The following ALDH1A2 variants were observed in gnomAD, a reference collection of about 807,000 sequenced individuals.
ALDH1A2 encodes aldehyde dehydrogenase 1 family member A2.
A neutral mutation model predicts 60.3 loss-of-function variants in ALDH1A2; 27 were observed. That is an observed-to-expected ratio of 0.45 (90% CI 0.33 to 0.62). The LOEUF is 0.62. ALDH1A2 is among the 20% of genes least tolerant of loss of function. The pLI, the probability that ALDH1A2 is intolerant of heterozygous loss-of-function variation, is 0.02. For missense variants in ALDH1A2, 581 were observed against 643.8 expected (o/e 0.90, Z 1.06); for synonymous variants, 289 against 232.4 (o/e 1.24, Z -2.21).
chr15:58,056,687 A>G (rs532628896), intron 1 of ALDH1A2, among the ~76,000 whole-genome samples: 2 of 152,328 alleles, frequency 1.3e-5, no homozygotes, highest in South Asian at 4.1e-4. Flanking sequence ...ATACATTTAT[A>G]AAAACTGATA....
Position 57,955,238 on chromosome 15 carries a change from C to G in ALDH1A2, c.1516G>C (p.Val506Leu). Residue 506 changes from valine (V) to leucine (L), a missense_variant, in exon 13 of 13, where the codon GTT becomes CTT. By Grantham distance (32) the Val-to-Leu change is conservative. This residue lies in a region of ALDH1A2 where 375 missense variants were observed against 469.7 expected (regional missense o/e 0.80). Transcript: ENST00000249750. ...GGGATCTTTACTGTCACCGTCTTAA[C>G]TTCTGAGTACTCCCGCAAGCCAAAT... ...GEFGLREYSE[V>L]KTVTVKIPQK... is the part of the protein sequence containing the mutation. 6.2e-7 allele frequency: 1 copy of G among 1,614,132 alleles called. No individual in the cohort carries two copies. The highest frequency in any genetic ancestry group is 8.5e-7 in the Non-Finnish European group (1 of 1,180,018).
intron 7 of ALDH1A2, among the ~76,000 whole-genome samples, chr15:57,967,041 G>A (rs1485110993): frequency 6.6e-6 from 1 of 152,166 alleles, no homozygotes; most frequent in Non-Finnish European, 1.5e-5. Flanking sequence ...TAAAAGCGGG[G>A]GAAGAGAAAC....
At chr15:58,047,897 G>A (rs904037288) in intron 1 of ALDH1A2, among the ~76,000 whole-genome samples, 1 of 151,970 alleles carries the variant, frequency 6.6e-6, no homozygotes, top group Admixed American at 6.6e-5. Context: ...TCACTTTAAA[G>A]TCAATGTTTT....
chr15:58,045,934 C>A (rs1444087832), intron 1 of ALDH1A2, among the ~76,000 whole-genome samples: 2 of 152,004 alleles, frequency 1.3e-5, no homozygotes, highest in Non-Finnish European at 2.9e-5. Flanking sequence ...ACACTCCACA[C>A]ATGCATTTGA....
At chr15:57,955,455 T>C (rs772658254) in intron 12 of ALDH1A2, among the ~76,000 whole-genome samples, 186 bp from the exon 13 acceptor site, 2 of 150,640 alleles carry the variant, frequency 1.3e-5, no homozygotes, top group Non-Finnish European at 3.0e-5. Flanking sequence ...TGTCATCTCA[T>C]GAGTAGTTTT....
At chr15:57,978,210 C>T (rs1193544992) in intron 7 of ALDH1A2, among the ~76,000 whole-genome samples, 1 of 152,192 alleles carries the variant, frequency 6.6e-6, no homozygotes, top group Non-Finnish European at 1.5e-5. Context: ...ATTGCCCTGA[C>T]CAGAACTTCC....
chr15:57,960,417 T>C (rs1372738625), intron 12 of ALDH1A2, among the ~76,000 whole-genome samples: 1 of 152,224 alleles, frequency 6.6e-6, no homozygotes, highest in Non-Finnish European at 1.5e-5. Context: ...TCCTGGATGT[T>C]ACTTCCAGGA....
chr15:57,966,324 C>T (rs1405576235), intron 7 of ALDH1A2, among the ~76,000 whole-genome samples: 1 of 152,174 alleles, frequency 6.6e-6, no homozygotes. Flanking sequence ...CTGCCTAGAG[C>T]TACAGTAAAA....
At chr15:58,035,038 A>T (rs1366682491) in intron 1 of ALDH1A2, among the ~76,000 whole-genome samples, 2 of 151,666 alleles carry the variant, frequency 1.3e-5, no homozygotes, top group Admixed American at 1.3e-4. Context: ...ACTGTAGATA[A>T]TTGGTATGTT....
chr15:58,041,566 C>G (rs1896519081), intron 1 of ALDH1A2, among the ~76,000 whole-genome samples: 1 of 151,880 alleles, frequency 6.6e-6, no homozygotes, highest in Admixed American at 6.6e-5. Context: ...CTTTTTGGTT[C>G]ATAGATGGTG....
At chr15:58,006,264 T>C (rs1256838987) in intron 4 of ALDH1A2, among the ~76,000 whole-genome samples, 2 of 151,954 alleles carry the variant, frequency 1.3e-5, no homozygotes, top group East Asian at 1.9e-4. Context: ...GAATATAAGA[T>C]ATTTGGTTTT....
chr15:58,000,573 G>C (rs1310309602), intron 4 of ALDH1A2, among the ~76,000 whole-genome samples: 2 of 151,900 alleles, frequency 1.3e-5, no homozygotes, highest in African/African-American at 4.8e-5. Context: ...TAAAATAACA[G>C]GTTTCATGGG....
chr15:58,000,646 C>T (rs1282050340), intron 4 of ALDH1A2, among the ~76,000 whole-genome samples: 1 of 151,890 alleles, frequency 6.6e-6, no homozygotes, highest in Non-Finnish European at 1.5e-5. Context: ...AGTTTACTTG[C>T]TTACTGTATA....
chr15:58,001,034 T>TAAAAAAAAAA (rs10641902), intron 4 of ALDH1A2, among the ~76,000 whole-genome samples: 4 of 126,218 alleles, frequency 3.2e-5, no homozygotes, highest in Non-Finnish European at 4.9e-5. Context: ...TCAAAATTGT[T>TAAAAAAAAAA]AAAAAAAAAA....
intron 1 of ALDH1A2, among the ~76,000 whole-genome samples, chr15:58,019,305 C>T (rs894305824): frequency 6.6e-6 from 1 of 151,960 alleles, no homozygotes; most frequent in Non-Finnish European, 1.5e-5. Context: ...TAAAATAAGC[C>T]ACTCAAGCTC....
rs1061278 is a variant in ALDH1A2 at position 57,953,831 on chromosome 15, T to C, written c.*1366A>G. On this transcript the variant is annotated 3_prime_UTR_variant, in exon 13 of 13. Coordinates refer to ENST00000249750, the MANE Select transcript of ALDH1A2 (RefSeq NM_003888.4). ...GTACTTTTAAATAAATGATCTGCAT[T>C]TAGGTTAGAGACTGGATTGGATTTG... The C allele has an allele frequency of 0.47, 72,011 of 152,262 alleles. 17,488 individuals are homozygous for C. The highest frequency in any genetic ancestry group is 0.54 in the Non-Finnish European group (36,736 of 67,994). The allele number at this position is 152,262 out of a possible 1,614,324, so 9.4% of individuals were successfully genotyped here.
intron 7 of ALDH1A2, among the ~76,000 whole-genome samples, chr15:57,986,031 T>G (rs78712578): frequency 2.6e-5 from 4 of 152,228 alleles, no homozygotes; most frequent in African/African-American, 9.6e-5. Flanking sequence ...GTAAAGGTGA[T>G]CTGCATGAAA....
At chr15:58,048,043 G>C (rs1400972713) in intron 1 of ALDH1A2, among the ~76,000 whole-genome samples, 1 of 151,852 alleles carries the variant, frequency 6.6e-6, no homozygotes, top group African/African-American at 2.4e-5. Flanking sequence ...TTAAATAATG[G>C]ACCCAATATT....
chr15:58,001,537 G>T (rs1303969491), intron 4 of ALDH1A2, among the ~76,000 whole-genome samples: 1 of 151,884 alleles, frequency 6.6e-6, no homozygotes, highest in East Asian at 1.9e-4. Flanking sequence ...GAGCCAACTC[G>T]AAATGGAGAC....
Sources: allele counts gnomAD v4.1 joint callset (sites outside exome capture counted in the v4.1 genomes callset), GRCh38; gene constraint gnomAD v4.1.1; regional missense constraint gnomAD v4.1.1; transcripts MANE v1.5; gene names NCBI Gene and HGNC (gene_info 2026-07-23, HGNC 2026-07-21).